Variants in AKR7A2 observed in about 807,000 individuals in gnomAD.
AKR7A2 encodes the protein aldo-keto reductase family 7 member A2, also known as aflatoxin B1 aldehyde reductase member 2.
Under a neutral mutation model 37.3 loss-of-function variants are expected in AKR7A2, and 29 were observed. That is an observed-to-expected ratio of 0.78 (90% confidence interval 0.58 to 1.06). AKR7A2 has a LOEUF of 1.06. Ranked by LOEUF, AKR7A2 falls within the 50% of genes least tolerant of loss-of-function variation. The pLI, the probability that AKR7A2 is intolerant of heterozygous loss-of-function variation, is 0.00. For missense variants in AKR7A2, 529 were observed against 497.9 expected (o/e 1.06, Z -0.59); for synonymous variants, 228 against 217.8 (o/e 1.05, Z -0.41).
chr1:19,311,966 C>T lies in AKR7A2; in HGVS notation c.159G>A (p.Ala53=), dbSNP rs906317536. ...GTMEMGRRMD[A]PASAAAVRAF... ...CGCGCACGGCCGCGGCGCTGGCGGG[C>T]GCGTCCATGCGGCGCCCCATCTCCA... Residue 53 remains alanine (A), a synonymous_variant, in exon 1 of 7, where the codon GCG becomes GCA. Coordinates refer to ENST00000235835, the MANE Select transcript of AKR7A2 (RefSeq NM_003689.4). The T allele has an allele frequency of 1.5e-5, 24 of 1,568,160 alleles. No homozygotes were observed. Among genetic ancestry groups the T allele is most frequent in the African/African-American group, 1.5e-4 (11 of 73,654 alleles).
In AKR7A2 at chr1:19,304,117, A is replaced by C. The variant is rs1553259567; in HGVS notation, c.*108T>G. 5 of 1,553,528 alleles carry C rather than the reference A, an allele frequency of 3.2e-6. No individual in the cohort carries two copies. The South Asian group carries it at 5.6e-5, about 17-fold the overall frequency. ...AGCTAGAAAAATAATGCATGGATCT[A>C]GACAATTCAGAAAAACCCTTCTAAG... On this transcript the variant is annotated 3_prime_UTR_variant, in exon 7 of 7. Transcript: ENST00000235835.
chr1:19,308,007 G>A (rs2093764836), intron 3 of AKR7A2, 151 bp downstream of exon 3: 1 of 978,932 alleles, frequency 1.0e-6, no homozygotes, highest in Non-Finnish European at 1.6e-6. Flanking sequence ...GAGCTTGAAT[G>A]GCATCCTGAG....
At chr1:19,309,325 G>A (rs1051405647) in intron 1 of AKR7A2, among the ~76,000 whole-genome samples, 6 of 152,142 alleles carry the variant, frequency 3.9e-5, no homozygotes, top group African/African-American at 1.2e-4. Flanking sequence ...GGTGTGAACC[G>A]GTCACCTGTG....
rs748251159 is a variant in AKR7A2 at position 19,306,162 on chromosome 1, T to C, written c.789-15A>G. ...CCTTCCAGAAGCTGTGCAGAGGGGATGTTAGCACAGGGGTCAGTACCATGG... is the reference window on the plus strand; with the variant it reads ...CCTTCCAGAAGCTGTGCAGAGGGGACGTTAGCACAGGGGTCAGTACCATGG... On this transcript the variant is annotated splice_polypyrimidine_tract_variant and intron_variant, in intron 5 of 6. Transcript: ENST00000235835. The C allele has an allele frequency of 1.2e-6, 2 of 1,614,148 alleles. No individual in the cohort carries two copies. The highest frequency in any genetic ancestry group is 1.7e-6 in the Non-Finnish European group (2 of 1,180,010).
intron 1 of AKR7A2, among the ~76,000 whole-genome samples, chr1:19,310,630 C>CCATTGCACTCCACCCTGGGTGA (rs2093771306): frequency 6.6e-6 from 1 of 152,118 alleles, no homozygotes; most frequent in Non-Finnish European, 1.5e-5. Context: ...TGAGATCGTG[C>CCATTGCACTCCACCCTGGGTGA]CATTGCACTC....
At chr1:19,309,398 A>C (rs1409198382) in intron 1 of AKR7A2, among the ~76,000 whole-genome samples, 1 of 152,230 alleles carries the variant, frequency 6.6e-6, no homozygotes, top group Non-Finnish European at 1.5e-5. Context: ...AGTTTAGGAA[A>C]GCGAAGCAGC....
chr1:19,309,565 TGCATCCGA>T (rs1483690445), intron 1 of AKR7A2, among the ~76,000 whole-genome samples: 2 of 152,248 alleles, frequency 1.3e-5, no homozygotes, highest in Non-Finnish European at 2.9e-5. Flanking sequence ...AACAGTGTTC[TGCATCCGA>T]GCAGCTTGGA....
At chr1:19,310,207 A>G (rs987691637) in intron 1 of AKR7A2, among the ~76,000 whole-genome samples, 2 of 152,314 alleles carry the variant, frequency 1.3e-5, no homozygotes, top group African/African-American at 4.8e-5. Flanking sequence ...CAGTTGGGAT[A>G]TGGGACAGAA....
chr1:19,304,076 A>T lies in AKR7A2; in HGVS notation c.*149T>A. The T allele has an allele frequency of 7.6e-7, 1 of 1,310,230 alleles. No homozygotes were observed. The highest frequency in any genetic ancestry group is 1.1e-6 in the Non-Finnish European group (1 of 925,062). The allele number at this position is 1,310,230 out of a possible 1,614,324, so 81.2% of individuals were successfully genotyped here. A position where few individuals can be genotyped will look rare whatever the true frequency, so the allele number is the denominator to read the frequency against. ...CCACCTTTCACAGTGTAAAGTGAAT[A>T]GGGAGCAAGGCAGGAAGCTAGAAAA... On this transcript the variant is annotated 3_prime_UTR_variant, in exon 7 of 7. Transcript: ENST00000235835.
At position 19,304,054 on chromosome 1, in the gene AKR7A2, C is replaced by A. The variant is rs1471412845; in HGVS notation, c.*171G>T. 5 of 1,126,754 alleles carry A rather than the reference C, an allele frequency of 4.4e-6. No individual in the cohort carries two copies. In the Admixed American group the frequency reaches 6.1e-5, roughly 14 times the overall value. 69.8% of individuals were successfully genotyped at this position (1,126,754 alleles called of 1,614,324 possible). ...GCGCTCAAGTGGGACTCACCCCCCA[C>A]CTTTCACAGTGTAAAGTGAATAGGG... is the stretch of plus-strand genomic sequence containing the variant. On this transcript the variant is annotated 3_prime_UTR_variant, in exon 7 of 7. Transcript: ENST00000235835.
At position 19,307,114 on chromosome 1, in the gene AKR7A2, A is replaced by G. The variant is rs1197340796; in HGVS notation, c.689-13T>C. ...GTCAGCAGGCCCCCTGCGGGAAGGC[A>G]GCAATCAGCCCCTGGCCCCAGAGTG... On this transcript the variant is annotated splice_polypyrimidine_tract_variant and intron_variant, in intron 4 of 6. Transcript: ENST00000235835. 1 of 1,614,050 alleles carries G rather than the reference A, an allele frequency of 6.2e-7. No homozygotes were observed. The highest frequency in any genetic ancestry group is 2.2e-5 in the East Asian group (1 of 44,890).
rs764803366 is a variant in AKR7A2 at position 19,304,488 on chromosome 1, A to G, written c.919-102T>C. 3.2e-4 allele frequency: 513 copies of G among 1,596,868 alleles called. 1 individual carries two copies. The highest frequency in any genetic ancestry group is 4.3e-4 in the Admixed American group (26 of 59,886). On this transcript the variant is annotated intron_variant, in intron 6 of 6. Transcript: ENST00000235835. ...CTGCTGAGATCTGGGGTCTCTGTTT[A>G]TATTTATATCTTGTATGTCCAGAAA...
intron 1 of AKR7A2, 26 bp downstream of exon 1, chr1:19,311,801 T>G: frequency 6.2e-7 from 1 of 1,609,490 alleles, no homozygotes; most frequent in Non-Finnish European, 8.5e-7. Flanking sequence ...ACACGATGCA[T>G]GGGGAGGATC....
At chr1:19,311,688 C>T (rs1192044556) in intron 1 of AKR7A2, 139 bp downstream of exon 1, 7 of 1,065,988 alleles carry the variant, frequency 6.6e-6, no homozygotes, top group Non-Finnish European at 9.6e-6. Flanking sequence ...GTTCCCAGAG[C>T]TGCGGGGTGG....
At position 19,307,384 on chromosome 1, in the gene AKR7A2, C is replaced by T; in HGVS notation, c.618G>A (p.Gln206=). Residue 206 remains glutamine (Q), a synonymous_variant, in exon 4 of 7, where the codon CAG becomes CAA. Coordinates refer to ENST00000235835, the MANE Select transcript of AKR7A2 (RefSeq NM_003689.4). Reference sequence around the variant, plus strand: ...GGCAGGGGAAGAGCTCCGTTTCCACCTGCCGGGTGGTGGCGTTGTACATGC... The same window carrying T: ...GGCAGGGGAAGAGCTCCGTTTCCACTTGCCGGGTGGTGGCGTTGTACATGC... The part of the protein sequence containing the change: ...YQGMYNATTR[Q]VETELFPCLR... 6.2e-7 allele frequency: 1 copy of T among 1,614,130 alleles called. No homozygotes were observed. Among genetic ancestry groups the T allele is most frequent in the South Asian group, 1.1e-5 (1 of 91,078 alleles).
intron 2 of AKR7A2, 68 bp downstream of exon 2, chr1:19,308,387 C>G (rs2093765902): frequency 1.3e-6 from 2 of 1,598,772 alleles, no homozygotes; most frequent in African/African-American, 2.7e-5. Context: ...TGCCTCTGCT[C>G]TCATGAGTAG....
intron 6 of AKR7A2, among the ~76,000 whole-genome samples, chr1:19,305,800 A>G (rs555194046): frequency 6.6e-5 from 10 of 152,384 alleles, no homozygotes; most frequent in African/African-American, 2.4e-4. Flanking sequence ...ATCATACTTC[A>G]GAAAGCCTAA....
chr1:19,309,419 T>C (rs2151989745), intron 1 of AKR7A2, among the ~76,000 whole-genome samples: 1 of 152,308 alleles, frequency 6.6e-6, no homozygotes, highest in South Asian at 2.1e-4. Context: ...CACATAAATG[T>C]GGCCCAGTGG....
downstream of AKR7A2, among the ~76,000 whole-genome samples, chr1:19,302,774 T>C (rs1558137026): frequency 1.3e-5 from 2 of 150,668 alleles, no homozygotes; most frequent in African/African-American, 4.9e-5. Context: ...CACTGCAACC[T>C]CTGTTTCCGG....
Sources: gnomAD v4.1 joint callset for allele counts (sites outside exome capture counted in the v4.1 genomes callset) on GRCh38, gnomAD v4.1.1 for gene constraint, MANE v1.5 for transcripts, NCBI Gene and HGNC (gene_info 2026-07-23, HGNC 2026-07-21) for gene names.